The following HTR3B variants were observed in gnomAD, a reference collection of about 807,000 sequenced individuals.
The protein encoded by HTR3B is 5-hydroxytryptamine receptor 3B, also known as 5-hydroxytryptamine (serotonin) receptor 3B, ionotropic.
HTR3B carries 44 observed loss-of-function variants against 42.8 expected under a neutral mutation model. The ratio of observed to expected loss-of-function variants is 1.03; its 90% CI spans 0.81 to 1.32. HTR3B has a LOEUF of 1.32. HTR3B is among the 40% of genes most tolerant of loss of function. The pLI, the probability that HTR3B is intolerant of heterozygous loss-of-function variation, is 0.00. For synonymous variants in HTR3B, 203 were observed against 209.0 expected, an observed-to-expected ratio of 0.97 and a Z score of 0.25; for missense variants, 527 against 536.5, an observed-to-expected ratio of 0.98 and a Z score of 0.17.
rs1950045560 is a variant in HTR3B at position 113,932,432 on chromosome 11, T to C, written c.512T>C (p.Leu171Pro). Reference sequence around the variant, plus strand: ...CCATTTGATGTCCAGAATTGCAGCCTGACCTTCAAGAGCATTCTGCATACA... The same window carrying C: ...CCATTTGATGTCCAGAATTGCAGCCCGACCTTCAAGAGCATTCTGCATACA... ...AFPFDVQNCS[L>P]TFKSILHTVE... The change falls in exon 5 of 9, where the codon CTG becomes CCG. Residue 171 changes from leucine to proline, a missense_variant. Coordinates refer to ENST00000260191, the MANE Select transcript of HTR3B (RefSeq NM_006028.5). 1 of 1,614,076 alleles carries C rather than the reference T, an allele frequency of 6.2e-7. No homozygotes were observed. Among genetic ancestry groups the C allele is most frequent in the East Asian group, 2.2e-5 (1 of 44,884 alleles).
At position 113,923,259 on chromosome 11, in the gene HTR3B, C is replaced by T. The variant is rs143379819; in HGVS notation, c.214-8125C>T. On this transcript the variant is annotated intron_variant, in intron 2 of 8. Transcript: ENST00000260191. ...GATGCATCTGCCAGCATCTGAACTGCTGGCAACTTTTGTTTAGAATGAAGA... is the reference window on the plus strand; with the variant it reads ...GATGCATCTGCCAGCATCTGAACTGTTGGCAACTTTTGTTTAGAATGAAGA... Among the ~76,000 whole-genome samples the T allele has an allele frequency of 1.5e-4, 23 of 152,324 alleles. No individual in the cohort carries two copies. The East Asian group carries it at 4.4e-3, about 29-fold the overall frequency.
At chr11:113,930,810 GT>G (rs1395549499) in intron 2 of HTR3B, among the ~76,000 whole-genome samples, 1 of 152,078 alleles carries the variant, frequency 6.6e-6, no homozygotes, top group East Asian at 1.9e-4. Flanking sequence ...TTAAATTGCT[GT>G]TTTGGGGGGT....
At chr11:113,933,345 A>G (rs1950056914) in intron 6 of HTR3B, among the ~76,000 whole-genome samples, 1 of 152,164 alleles carries the variant, frequency 6.6e-6, no homozygotes, top group African/African-American at 2.4e-5. Context: ...GGCCTGAAGC[A>G]TGCCCTGCAG....
At chr11:113,919,596 A>T (rs1229497670) in intron 2 of HTR3B, among the ~76,000 whole-genome samples, 1 of 152,178 alleles carries the variant, frequency 6.6e-6, no homozygotes, top group Non-Finnish European at 1.5e-5. Flanking sequence ...TGGGAGGCCG[A>T]GGCAGGTGGA....
rs375381760 is a variant in HTR3B, at chr11:113,943,204, C to G, written c.907+12C>G. 2 of 1,601,298 alleles carry G rather than the reference C, an allele frequency of 1.2e-6. No homozygotes were observed. The highest frequency in any genetic ancestry group is 1.3e-5 in the African/African-American group (1 of 74,704). On this transcript the variant is annotated intron_variant, in intron 7 of 8. Transcript: ENST00000260191. ...CACCCCTCTGATTGGTAAGCAGCCT[C>G]GGGGTCACTGGACACTCATCTTACA...
In HTR3B at chr11:113,909,408, G is replaced by T; in HGVS notation, c.166G>T (p.Ala56Ser). 2 of 1,614,092 alleles carry T rather than the reference G, an allele frequency of 1.2e-6. No homozygotes were observed. Among genetic ancestry groups the T allele is most frequent in the Non-Finnish European group, 1.7e-6 (2 of 1,179,966 alleles). ...EVRPVYNWTK[A>S]TTVYLDLFVH... Reference sequence around the variant, plus strand: ...GAGACCTGTTTACAACTGGACCAAGGCCACCACAGTCTACCTGGACCTGTT... The same window carrying T: ...GAGACCTGTTTACAACTGGACCAAGTCCACCACAGTCTACCTGGACCTGTT... Residue 56 changes from alanine (A) to serine (S), a missense_variant, in exon 2 of 9, where the codon GCC (alanine) becomes TCC (serine). Ala to Ser is a moderately conservative substitution (Grantham distance 99). Transcript: ENST00000260191.
Position 113,932,446 on chromosome 11 carries a change from A to T in HTR3B, c.526A>T (p.Ile176Phe), listed in dbSNP as rs913512304. ...VQNCSLTFKS[I>F]LHTVEDVDLA... is the part of the protein sequence containing the mutation. ...GAATTGCAGCCTGACCTTCAAGAGC[A>T]TTCTGCATACAGGTAAACCATGAGA... Residue 176 changes from isoleucine to phenylalanine, a missense_variant, in exon 5 of 9, where the codon ATT becomes TTT. Ile to Phe is a conservative substitution (Grantham distance 21). Coordinates refer to ENST00000260191, the MANE Select transcript of HTR3B (RefSeq NM_006028.5). 2.2e-5 allele frequency: 36 copies of T among 1,613,700 alleles called. No homozygotes were observed. The highest frequency in any genetic ancestry group is 3.0e-5 in the Non-Finnish European group (35 of 1,179,802).
chr11:113,933,080 A>G lies in HTR3B; in HGVS notation c.683A>G (p.Gln228Arg). 2 of 1,613,708 alleles carry G rather than the reference A, an allele frequency of 1.2e-6. No homozygotes were observed. Among genetic ancestry groups the G allele is most frequent in the Non-Finnish European group, 1.7e-6 (2 of 1,179,786 alleles). ...CAGAGCAGCGCTGGAGGATTTGCAC[A>G]GATTCAGTTTAATGTAGGTTCTTTA... The part of the protein sequence containing the change: ...ILQSSAGGFA[Q>R]IQFNVVMRRH... The change falls in exon 6 of 9, where the codon CAG (glutamine) becomes CGG (arginine). Residue 228 changes from glutamine to arginine, a missense_variant. Physicochemically the swap from Gln to Arg is conservative, Grantham distance 43. Transcript: ENST00000260191.
chr11:113,939,027 C>T (rs192865958), intron 6 of HTR3B, among the ~76,000 whole-genome samples: 2 of 152,038 alleles, frequency 1.3e-5, no homozygotes, highest in Admixed American at 1.3e-4. Flanking sequence ...GGCAACATTG[C>T]CCTTAAATAA....
rs1334871244 is a variant in HTR3B, at chr11:113,904,861, T to C, written c.-73T>C. The C allele has an allele frequency of 2.6e-6, 3 of 1,170,122 alleles. No homozygotes were observed. Among genetic ancestry groups the C allele is most frequent in the Non-Finnish European group, 2.6e-6 (2 of 775,668 alleles). 72.5% of individuals were successfully genotyped at this position (1,170,122 alleles called of 1,614,324 possible). On this transcript the variant is annotated 5_prime_UTR_variant, in exon 1 of 9. Transcript: ENST00000260191. The stretch of plus-strand genomic sequence containing the variant: ...AGGAGAACAGAGTGGAGAGGAACCC[T>C]GTTAGGAGAAATTGAGCGGCATTCC...
Position 113,945,929 on chromosome 11 carries a change from C to G in HTR3B, c.1118C>G (p.Ala373Gly), listed in dbSNP as rs959997129. The G allele has an allele frequency of 6.2e-7, 1 of 1,614,004 alleles. No individual in the cohort carries two copies. The highest frequency in any genetic ancestry group is 2.2e-5 in the East Asian group (1 of 44,886). The change falls in exon 9 of 9, where the codon GCC (alanine) becomes GGC (glycine). Residue 373 changes from alanine to glycine, a missense_variant. Coordinates refer to ENST00000260191, the MANE Select transcript of HTR3B (RefSeq NM_006028.5). ...TESSLYGEHL[A>G]QPGTLKEVWS... ...TCCTCGCTGTATGGAGAGCACCTGG[C>G]CCAGCCAGGAACCCTGAAGGAAGTC...
At chr11:113,932,488 A>G (rs776246535) in intron 5 of HTR3B, 30 bp downstream of exon 5, 1 of 1,548,606 alleles carries the variant, frequency 6.5e-7, no homozygotes, top group Non-Finnish European at 8.9e-7. Context: ...CATTAATGCT[A>G]GGTTGGTGCA....
At chr11:113,929,017 T>C (rs1168828843) in intron 2 of HTR3B, among the ~76,000 whole-genome samples, 2 of 152,244 alleles carry the variant, frequency 1.3e-5, no homozygotes, top group South Asian at 2.1e-4. Flanking sequence ...TTCAGTTCTC[T>C]TGGGTGTGTA....
chr11:113,903,771 T>C (rs2137478402), upstream of HTR3B, among the ~76,000 whole-genome samples: 2 of 152,322 alleles, frequency 1.3e-5, no homozygotes, highest in East Asian at 3.9e-4. Context: ...CTGAAAACCA[T>C]GGGTTCACAC....
upstream of HTR3B, among the ~76,000 whole-genome samples, chr11:113,899,815 G>A (rs12574465): frequency 0.035 from 5,379 of 152,256 alleles, 441 homozygotes; most frequent in East Asian, 0.3. Flanking sequence ...GAAACAGAGT[G>A]CAAAGGCTCA....
At chr11:113,921,813 A>C (rs1949918098) in intron 2 of HTR3B, among the ~76,000 whole-genome samples, 1 of 152,194 alleles carries the variant, frequency 6.6e-6, no homozygotes, top group Non-Finnish European at 1.5e-5. Flanking sequence ...GGAGAACACC[A>C]TTATCTTTTT....
intron 1 of HTR3B, chr11:113,908,990 G>T (rs973407232): frequency 2.0e-6 from 1 of 508,382 alleles, no homozygotes; most frequent in East Asian, 3.2e-5. Flanking sequence ...CAGGAATAAA[G>T]AAATTATTCT....
rs1950190908 is a variant in HTR3B at position 113,947,797 on chromosome 11, C to T, written c.*1660C>T. 6.6e-6 allele frequency among the ~76,000 whole-genome samples: 1 copy of T among 152,116 alleles called. No individual in the cohort carries two copies. Among genetic ancestry groups the T allele is most frequent in the East Asian group, 1.9e-4 (1 of 5,186 alleles). The stretch of plus-strand genomic sequence containing the variant: ...GGGAGTGGGCAGCAGACAAAGGGGA[C>T]ATATTTCAGCCCATAACACTAGTGA... On this transcript the variant is annotated 3_prime_UTR_variant, in exon 9 of 9. Transcript: ENST00000260191.
chr11:113,918,842 A>G (rs1949883492), intron 2 of HTR3B, among the ~76,000 whole-genome samples: 1 of 152,046 alleles, frequency 6.6e-6, no homozygotes, highest in African/African-American at 2.4e-5. Context: ...TTTTTAGTAG[A>G]GACGGGGTTT....
Sources: allele counts gnomAD v4.1 joint callset (sites outside exome capture counted in the v4.1 genomes callset), GRCh38; gene constraint gnomAD v4.1.1; transcripts MANE v1.5; gene names NCBI Gene and HGNC (gene_info 2026-07-23, HGNC 2026-07-21).